The following RGS7 variants were observed in gnomAD, a reference collection of about 807,000 sequenced individuals.
The protein encoded by RGS7 is regulator of G-protein signaling 7.
In RGS7, 27 loss-of-function variants were observed where a neutral mutation model predicts 81.1. The observed-to-expected ratio is 0.33, with a 90% CI of 0.25 to 0.46. RGS7 has a LOEUF of 0.46. Among genes scored for constraint, RGS7 ranks in the 20% least tolerant of loss-of-function variants. RGS7 has a pLI of 1.00. For synonymous variants in RGS7, 208 were observed against 207.7 expected, an observed-to-expected ratio of 1.00 and a Z score of -0.01; for missense variants, 396 against 607.4, an observed-to-expected ratio of 0.65 and a Z score of 3.66.
intron 6 of RGS7, among the ~76,000 whole-genome samples, chr1:240,875,377 G>C (rs956118112): frequency 4.6e-5 from 7 of 152,128 alleles, no homozygotes; most frequent in African/African-American, 1.7e-4. Flanking sequence ...TATTTTTAAA[G>C]GCTGAATAGT....
chr1:240,934,877 T>TGC (rs1676337650), intron 5 of RGS7, among the ~76,000 whole-genome samples: 1 of 84,174 alleles, frequency 1.2e-5, no homozygotes, highest in Non-Finnish European at 2.2e-5. Context: ...TTCACATGGC[T>TGC]TTTTTTTTTT....
intron 10 of RGS7, among the ~76,000 whole-genome samples, chr1:240,824,492 G>A (rs1692425053): frequency 6.6e-6 from 1 of 152,230 alleles, no homozygotes; most frequent in Non-Finnish European, 1.5e-5. Flanking sequence ...GGCTTCCAGG[G>A]GCAACTGGCT....
At chr1:240,933,745 G>A (rs1287515574) in intron 5 of RGS7, among the ~76,000 whole-genome samples, 4 of 151,876 alleles carry the variant, frequency 2.6e-5, no homozygotes, top group Admixed American at 2.6e-4. Flanking sequence ...ATATACTAAT[G>A]TATTGAAAGT....
At chr1:240,902,839 A>G (rs1329151523) in intron 6 of RGS7, among the ~76,000 whole-genome samples, 1 of 152,230 alleles carries the variant, frequency 6.6e-6, no homozygotes, top group Admixed American at 6.5e-5. Flanking sequence ...ACATAATATC[A>G]AGCAAATAAT....
intron 2 of RGS7, among the ~76,000 whole-genome samples, chr1:241,117,109 C>A (rs139111664): frequency 6.6e-6 from 1 of 152,044 alleles, no homozygotes; most frequent in African/African-American, 2.4e-5. Context: ...AAAAAAAACA[C>A]GGCAAAAATG....
At chr1:241,216,754 T>C (rs1341812754) in intron 2 of RGS7, among the ~76,000 whole-genome samples, 1 of 152,140 alleles carries the variant, frequency 6.6e-6, no homozygotes, top group African/African-American at 2.4e-5. Flanking sequence ...AATGAAATAA[T>C]TGGTAAGATA....
chr1:241,185,649 C>T (rs2072030334), intron 2 of RGS7, among the ~76,000 whole-genome samples: 1 of 151,886 alleles, frequency 6.6e-6, no homozygotes, highest in African/African-American at 2.4e-5. Flanking sequence ...ATGTTTCCTG[C>T]CTGAAAGATC....
intron 2 of RGS7, among the ~76,000 whole-genome samples, chr1:241,142,202 G>A (rs1172015714): frequency 2.0e-5 from 3 of 152,220 alleles, no homozygotes; most frequent in African/African-American, 7.2e-5. Context: ...GGCACTGAGT[G>A]CCTACAGGTT....
intron 2 of RGS7, among the ~76,000 whole-genome samples, chr1:241,211,464 TG>T (rs1290724488): frequency 6.6e-6 from 1 of 152,162 alleles, no homozygotes; most frequent in African/African-American, 2.4e-5. Flanking sequence ...TCACCGTAGC[TG>T]GAGTAGTGAG....
chr1:240,956,092 C>T (rs2502437), intron 4 of RGS7, among the ~76,000 whole-genome samples: 132,316 of 152,176 alleles, frequency 0.87, 57,701 homozygotes, highest in Admixed American at 0.93. Context: ...TTTATACATA[C>T]GTATTTCATT....
chr1:241,080,103 T>A (rs1374605656), intron 3 of RGS7, among the ~76,000 whole-genome samples: 1 of 152,044 alleles, frequency 6.6e-6, no homozygotes, highest in Non-Finnish European at 1.5e-5. Context: ...CAATGAGTAT[T>A]GACATCATCA....
At chr1:241,180,792 A>G (rs530505437) in intron 2 of RGS7, among the ~76,000 whole-genome samples, 1 of 152,328 alleles carries the variant, frequency 6.6e-6, no homozygotes, top group Admixed American at 6.5e-5. Flanking sequence ...ACAGCAGCGC[A>G]CGGGAGTCAA....
chr1:241,314,432 G>T (rs927703863), intron 2 of RGS7, among the ~76,000 whole-genome samples: 1 of 152,158 alleles, frequency 6.6e-6, no homozygotes, highest in African/African-American at 2.4e-5. Flanking sequence ...CTAAGTTAAG[G>T]TATGTACCTT....
chr1:241,266,080 C>G (rs998472438), intron 2 of RGS7, among the ~76,000 whole-genome samples: 1 of 152,122 alleles, frequency 6.6e-6, no homozygotes, highest in South Asian at 2.1e-4. Flanking sequence ...AGGCATAAGC[C>G]ACCGCGCCTG....
chr1:240,850,641 C>T lies in RGS7; in HGVS notation c.609+17946G>A, dbSNP rs931637594. On this transcript the variant is annotated intron_variant, in intron 9 of 18. Coordinates refer to ENST00000440928, the MANE Select transcript of RGS7 (RefSeq NM_001364886.1). ...AAATATTAAGCTTAGTGAGGGAAAGCATGTTGGAAGCTGAGATAGGATGAG... is the reference window on the plus strand; with the variant it reads ...AAATATTAAGCTTAGTGAGGGAAAGTATGTTGGAAGCTGAGATAGGATGAG... 2.6e-5 allele frequency among the ~76,000 whole-genome samples: 4 copies of T among 152,260 alleles called. No individual in the cohort carries two copies. In the South Asian group the frequency reaches 8.3e-4, roughly 32 times the overall value.
At chr1:240,889,057 G>A (rs148139106) in intron 6 of RGS7, among the ~76,000 whole-genome samples, 252 of 152,238 alleles carry the variant, frequency 1.7e-3, no homozygotes, top group African/African-American at 5.7e-3. Flanking sequence ...CCGGGTTCAA[G>A]CGATTCTCCT....
intron 3 of RGS7, among the ~76,000 whole-genome samples, chr1:240,994,864 T>C (rs542385541): frequency 1.2e-4 from 18 of 152,060 alleles, no homozygotes; most frequent in Non-Finnish European, 2.2e-4. Context: ...GTAGAAATAG[T>C]GTCTCACTAT....
intron 9 of RGS7, among the ~76,000 whole-genome samples, chr1:240,829,550 T>G (rs1354890851): frequency 6.6e-6 from 1 of 152,246 alleles, no homozygotes; most frequent in Non-Finnish European, 1.5e-5. Flanking sequence ...ATTCGATTTC[T>G]ATTTCTTTGC....
intron 2 of RGS7, among the ~76,000 whole-genome samples, chr1:241,184,768 A>C (rs1369593655): frequency 3.3e-5 from 5 of 152,224 alleles, no homozygotes; most frequent in African/African-American, 1.2e-4. Flanking sequence ...AATCCAAAAA[A>C]AAACCCCGAA....
Sources: gnomAD v4.1 joint callset for allele counts (sites outside exome capture counted in the v4.1 genomes callset) on GRCh38, gnomAD v4.1.1 for gene constraint, MANE v1.5 for transcripts, NCBI Gene and HGNC (gene_info 2026-07-23, HGNC 2026-07-21) for gene names.